The following CAMK1D variants were observed in gnomAD, a reference collection of about 807,000 sequenced individuals.
CAMK1D encodes calcium/calmodulin dependent protein kinase ID.
In CAMK1D, 9 loss-of-function variants were observed where a neutral mutation model predicts 47.7. That is an observed-to-expected ratio of 0.19 (90% confidence interval 0.11 to 0.33). The LOEUF (loss-of-function observed/expected upper bound fraction) is 0.33, where lower values mean the gene tolerates loss of function less well. Ranked by LOEUF, CAMK1D falls within the 10% of genes least tolerant of loss-of-function variation. The pLI is 1.00. For missense variants in CAMK1D, 291 were observed against 488.7 expected (o/e 0.60, Z 3.81); for synonymous variants, 184 against 184.9 (o/e 0.99, Z 0.04).
intron 1 of CAMK1D, among the ~76,000 whole-genome samples, chr10:12,425,028 A>G (rs1840180169): frequency 6.6e-6 from 1 of 152,146 alleles, no homozygotes; most frequent in African/African-American, 2.4e-5. Context: ...AAGGCCTTCC[A>G]TGATTGATGT....
chr10:12,376,582 C>T (rs568716032), intron 1 of CAMK1D, among the ~76,000 whole-genome samples: 41 of 152,236 alleles, frequency 2.7e-4, no homozygotes, highest in Admixed American at 2.6e-3. Flanking sequence ...ACCTGTACTC[C>T]TGTCATGCTT....
At chr10:12,625,614 AG>A (rs1839189517) in intron 2 of CAMK1D, among the ~76,000 whole-genome samples, 1 of 138,566 alleles carries the variant, frequency 7.2e-6, no homozygotes. Context: ...TACAGGCATG[AG>A]CCCCCACGCC....
intron 2 of CAMK1D, among the ~76,000 whole-genome samples, chr10:12,605,688 GCTGCGGTGCCA>G (rs1014095266): frequency 2.4e-4 from 37 of 152,194 alleles, no homozygotes; most frequent in African/African-American, 8.9e-4. Context: ...AGCCCTGGGG[GCTGCGGTGCCA>G]CTGGCAGCCC....
At chr10:12,549,385 C>G (rs1340995409) in intron 1 of CAMK1D, among the ~76,000 whole-genome samples, 1 of 152,216 alleles carries the variant, frequency 6.6e-6, no homozygotes, top group African/African-American at 2.4e-5. Context: ...CAGCATGGGT[C>G]AGAATTCCAT....
intron 3 of CAMK1D, among the ~76,000 whole-genome samples, chr10:12,673,891 T>C (rs1471875520): frequency 6.6e-6 from 1 of 152,202 alleles, no homozygotes; most frequent in Non-Finnish European, 1.5e-5. Context: ...TTTGTTTTTG[T>C]TTGGCAAGGC....
At chr10:12,402,345 C>T (rs1386085746) in intron 1 of CAMK1D, among the ~76,000 whole-genome samples, 1 of 151,696 alleles carries the variant, frequency 6.6e-6, no homozygotes, top group Admixed American at 6.6e-5. Context: ...TTGATCCTCC[C>T]ACCTCAGCCT....
At chr10:12,795,616 C>G (rs1838165524) in intron 6 of CAMK1D, among the ~76,000 whole-genome samples, 1 of 152,218 alleles carries the variant, frequency 6.6e-6, no homozygotes, top group Admixed American at 6.5e-5. Context: ...GCTGAGATAT[C>G]AGACTGCAGC....
intron 3 of CAMK1D, among the ~76,000 whole-genome samples, chr10:12,737,032 A>G (rs999822130): frequency 2.6e-5 from 4 of 152,154 alleles, no homozygotes; most frequent in South Asian, 2.1e-4. Context: ...ACCAATCTCA[A>G]TGCATGCAGC....
At chr10:12,642,000 C>T (rs1239542135) in intron 2 of CAMK1D, among the ~76,000 whole-genome samples, 4 of 149,882 alleles carry the variant, frequency 2.7e-5, no homozygotes, top group African/African-American at 7.4e-5. Flanking sequence ...GCCAAGATCA[C>T]GCTACTGCAT....
At chr10:12,520,115 A>G (rs1156562474) in intron 1 of CAMK1D, among the ~76,000 whole-genome samples, 1 of 75,560 alleles carries the variant, frequency 1.3e-5, no homozygotes, top group Admixed American at 1.3e-4. Flanking sequence ...CCGGGCGGAG[A>G]GGCTCCTCAC....
At chr10:12,555,667 A>G (rs1379667202) in intron 2 of CAMK1D, among the ~76,000 whole-genome samples, 1 of 152,234 alleles carries the variant, frequency 6.6e-6, no homozygotes, top group African/African-American at 2.4e-5. Context: ...TTGCAGACAC[A>G]TTACAGATAT....
chr10:12,766,349 C>A (rs145900011), intron 4 of CAMK1D, among the ~76,000 whole-genome samples: 1,546 of 133,006 alleles, frequency 0.012, 15 homozygotes, highest in East Asian at 0.063. Context: ...GCCAGCCCCA[C>A]GTTGCCTGTT....
intron 2 of CAMK1D, among the ~76,000 whole-genome samples, chr10:12,568,240 T>G (rs1185768617): frequency 5.5e-5 from 3 of 54,840 alleles, no homozygotes; most frequent in Admixed American, 3.7e-4. Context: ...TTCCCTTCCT[T>G]CCCCTCCCTT....
At chr10:12,515,413 T>TTTTC (rs1470136824) in intron 1 of CAMK1D, among the ~76,000 whole-genome samples, 1 of 69,236 alleles carries the variant, frequency 1.4e-5, no homozygotes, top group East Asian at 4.5e-4. Context: ...TTTTTTTTTT[T>TTTTC]TTTTCTTTTT....
At chr10:12,655,926 G>A (rs948484515) in intron 2 of CAMK1D, among the ~76,000 whole-genome samples, 6 of 152,240 alleles carry the variant, frequency 3.9e-5, no homozygotes, top group Admixed American at 6.5e-5. Context: ...GTGTAGCAAA[G>A]ACTATTCCAG....
In CAMK1D at chr10:12,375,277, A is replaced by G. The variant is rs1005680551; in HGVS notation, c.92+25367A>G. 4.6e-5 allele frequency among the ~76,000 whole-genome samples: 7 copies of G among 152,218 alleles called. No individual in the cohort carries two copies. In the East Asian group the frequency reaches 7.7e-4, roughly 17 times the overall value. On this transcript the variant is annotated intron_variant, in intron 1 of 10. Transcript: ENST00000619168. ...AATCCCGAGTAATGGAATTGTCTCCACGGTGGTTTAGAGAGCCTGCTTTTC... is the reference window on the plus strand; with the variant it reads ...AATCCCGAGTAATGGAATTGTCTCCGCGGTGGTTTAGAGAGCCTGCTTTTC...
chr10:12,652,637 A>AT (rs1840010347), intron 2 of CAMK1D, among the ~76,000 whole-genome samples: 2 of 152,194 alleles, frequency 1.3e-5, no homozygotes, highest in Non-Finnish European at 2.9e-5. Flanking sequence ...CGAGTTTATT[A>AT]GCCACAACCT....
intron 3 of CAMK1D, among the ~76,000 whole-genome samples, chr10:12,740,062 T>A (rs1835362692): frequency 6.6e-6 from 1 of 152,246 alleles, no homozygotes; most frequent in African/African-American, 2.4e-5. Flanking sequence ...GTGTGCTGTT[T>A]CATCCCGTCA....
chr10:12,704,662 G>A (rs948033077), intron 3 of CAMK1D, among the ~76,000 whole-genome samples: 8 of 152,182 alleles, frequency 5.3e-5, no homozygotes, highest in African/African-American at 1.9e-4. Flanking sequence ...AATGACAACT[G>A]GGAATGAAAT....
Sources: gnomAD v4.1 joint callset for allele counts (sites outside exome capture counted in the v4.1 genomes callset) on GRCh38, gnomAD v4.1.1 for gene constraint, MANE v1.5 for transcripts, NCBI Gene and HGNC (gene_info 2026-07-23, HGNC 2026-07-21) for gene names.